Variants in EPHA6 observed in about 807,000 individuals in gnomAD.
EPHA6 encodes ephrin type-A receptor 6.
In EPHA6, 50 loss-of-function variants were observed where a neutral mutation model predicts 112.0. That is an observed-to-expected ratio of 0.45 (90% CI 0.36 to 0.56). The LOEUF (loss-of-function observed/expected upper bound fraction) is 0.56. EPHA6 is among the 20% of genes least tolerant of loss of function. The pLI, the probability that EPHA6 is intolerant of heterozygous loss-of-function variation, is 0.00. For missense variants in EPHA6, 1,280 were observed against 1,417.4 expected (o/e 0.90, Z 1.56); for synonymous variants, 529 against 490.7 (o/e 1.08, Z -1.03).
chr3:96,975,351 C>G (rs909011865), intron 2 of EPHA6, among the ~76,000 whole-genome samples: 2 of 152,126 alleles, frequency 1.3e-5, no homozygotes, highest in Non-Finnish European at 2.9e-5. Context: ...CCCATACCAT[C>G]TCCTCTCAGC....
At chr3:97,013,123 T>C (rs2044148791) in intron 3 of EPHA6, among the ~76,000 whole-genome samples, 2 of 152,180 alleles carry the variant, frequency 1.3e-5, no homozygotes, top group South Asian at 4.1e-4. Flanking sequence ...TGTCAATTTT[T>C]GTTTTTGTTA....
chr3:97,258,407 G>A (rs1017542663), intron 5 of EPHA6, among the ~76,000 whole-genome samples: 46 of 151,964 alleles, frequency 3.0e-4, no homozygotes, highest in African/African-American at 1.1e-3. Context: ...TCAACAATAA[G>A]CATTCTGTTT....
chr3:97,302,621 A>C (rs1033119465), intron 5 of EPHA6, among the ~76,000 whole-genome samples: 3 of 151,962 alleles, frequency 2.0e-5, no homozygotes, highest in Admixed American at 6.6e-5. Context: ...CAAATGTTTA[A>C]AAAATAAATT....
chr3:97,530,156 C>A (rs1464409107), intron 10 of EPHA6, among the ~76,000 whole-genome samples: 1 of 151,940 alleles, frequency 6.6e-6, no homozygotes, highest in African/African-American at 2.4e-5. Context: ...CCAGAGTGAT[C>A]TGAGAATCAA....
intron 5 of EPHA6, among the ~76,000 whole-genome samples, chr3:97,299,938 G>A (rs1026558059): frequency 3.3e-4 from 50 of 152,080 alleles, no homozygotes; most frequent in African/African-American, 8.4e-4. Context: ...ATTGCATACC[G>A]TTGTTTAATT....
intron 7 of EPHA6, among the ~76,000 whole-genome samples, chr3:97,462,104 G>T (rs1320508904): frequency 6.6e-6 from 1 of 152,092 alleles, no homozygotes; most frequent in Non-Finnish European, 1.5e-5. Flanking sequence ...AGTAAATTCT[G>T]GTTCTGTCCT....
chr3:96,868,834 T>C (rs998106777), intron 2 of EPHA6, among the ~76,000 whole-genome samples: 6 of 152,026 alleles, frequency 3.9e-5, no homozygotes, highest in Non-Finnish European at 8.8e-5. Context: ...AATTTAATCA[T>C]TGATTCCATA....
intron 14 of EPHA6, among the ~76,000 whole-genome samples, chr3:97,687,577 T>C (rs940601085): frequency 2.0e-5 from 3 of 152,240 alleles, no homozygotes; most frequent in Non-Finnish European, 4.4e-5. Flanking sequence ...TTTTATACTG[T>C]ATTTTCCTTT....
chr3:97,517,507 C>T (rs1453101916), intron 10 of EPHA6, among the ~76,000 whole-genome samples: 4 of 151,672 alleles, frequency 2.6e-5, no homozygotes, highest in Non-Finnish European at 4.4e-5. Context: ...TAATGGGATG[C>T]AGTGTGATGT....
intron 5 of EPHA6, among the ~76,000 whole-genome samples, chr3:97,249,111 CATG>C (rs1341275731): frequency 2.0e-5 from 3 of 151,420 alleles, no homozygotes; most frequent in African/African-American, 7.3e-5. Context: ...AAGCCAGAGG[CATG>C]ATAAGTTTTA....
intron 3 of EPHA6, among the ~76,000 whole-genome samples, chr3:97,131,102 AAAAG>A (rs1017814448): frequency 6.6e-6 from 1 of 152,136 alleles, no homozygotes; most frequent in Non-Finnish European, 1.5e-5. Flanking sequence ...GCAGAGAAGA[AAAAG>A]AACTCGTATT....
chr3:97,158,957 G>T (rs1373201369), intron 3 of EPHA6, among the ~76,000 whole-genome samples: 2 of 152,084 alleles, frequency 1.3e-5, no homozygotes, highest in Non-Finnish European at 2.9e-5. Flanking sequence ...GGAATTAAAA[G>T]GGGGAGGCAG....
intron 15 of EPHA6, among the ~76,000 whole-genome samples, chr3:97,726,314 C>G (rs1276063387): frequency 1.3e-5 from 2 of 152,098 alleles, no homozygotes; most frequent in Non-Finnish European, 2.9e-5. Flanking sequence ...AGTCTTCACA[C>G]CACAGTTCTA....
At chr3:96,900,562 C>T (rs1021463237) in intron 2 of EPHA6, among the ~76,000 whole-genome samples, 7 of 152,176 alleles carry the variant, frequency 4.6e-5, no homozygotes, top group African/African-American at 1.7e-4. Context: ...ATAGGAAATA[C>T]TAAAGGCAAC....
intron 2 of EPHA6, among the ~76,000 whole-genome samples, chr3:96,879,606 A>G (rs1449172107): frequency 6.6e-6 from 1 of 152,054 alleles, no homozygotes; most frequent in African/African-American, 2.4e-5. Context: ...TGGCAGTATG[A>G]TTATTTTTAT....
chr3:96,900,395 A>G (rs1008680995), intron 2 of EPHA6, among the ~76,000 whole-genome samples: 5 of 152,220 alleles, frequency 3.3e-5, no homozygotes, highest in African/African-American at 1.2e-4. Flanking sequence ...ACTGTCTTTA[A>G]TTTAAAATTC....
intron 14 of EPHA6, among the ~76,000 whole-genome samples, chr3:97,641,266 T>C (rs1345545638): frequency 6.6e-6 from 1 of 152,222 alleles, no homozygotes; most frequent in East Asian, 1.9e-4. Flanking sequence ...TTTATAAATT[T>C]TAGAGCATTC....
rs190532302 is a variant in EPHA6 at position 97,244,325 on chromosome 3, A to C, written c.1606+38A>C. The C allele has an allele frequency of 1.0e-4, 156 of 1,554,904 alleles. No individual in the cohort carries two copies. In the African/African-American group the frequency reaches 1.9e-3, roughly 19 times the overall value. On this transcript the variant is annotated intron_variant, in intron 5 of 17. Coordinates refer to ENST00000389672, the MANE Select transcript of EPHA6 (RefSeq NM_001080448.3). The stretch of plus-strand genomic sequence containing the variant: ...GCTGTTCTCTCAAAACAGACCCATA[A>C]TTTCTTTTGATGCATAAATATCCCT...
chr3:96,956,805 C>T (rs1324424576), intron 2 of EPHA6, among the ~76,000 whole-genome samples: 2 of 151,958 alleles, frequency 1.3e-5, no homozygotes, highest in Non-Finnish European at 2.9e-5. Flanking sequence ...GGGGCTGAGG[C>T]GGGTGGATCA....
Sources: gnomAD v4.1 joint callset for allele counts (sites outside exome capture counted in the v4.1 genomes callset) on GRCh38, gnomAD v4.1.1 for gene constraint, MANE v1.5 for transcripts, NCBI Gene and HGNC (gene_info 2026-07-23, HGNC 2026-07-21) for gene names.